ZCCHC10: variants seen among roughly 807,000 people sequenced by gnomAD.
ZCCHC10 encodes the protein zinc finger CCHC domain-containing protein 10.
In ZCCHC10, 16 loss-of-function variants were observed where a neutral mutation model predicts 19.5. The ratio of observed to expected loss-of-function variants is 0.82; its 90% CI spans 0.56 to 1.25. The LOEUF (loss-of-function observed/expected upper bound fraction) is 1.25, where lower values mean the gene tolerates loss of function less well. ZCCHC10 is among the 50% of genes most tolerant of loss of function. The probability of loss-of-function intolerance (pLI) is 0.00; values close to 1 mark genes in which losing one functional copy is unlikely to be tolerated. For synonymous variants in ZCCHC10, 67 were observed against 72.5 expected, an observed-to-expected ratio of 0.92 and a Z score of 0.38; for missense variants, 197 against 201.0, an observed-to-expected ratio of 0.98 and a Z score of 0.12.
At chr5:133,026,359 C>T in intron 1 of ZCCHC10, 138 bp downstream of exon 1, 5 of 1,266,958 alleles carry the variant, frequency 3.9e-6, no homozygotes, top group South Asian at 3.9e-5. Flanking sequence ...CGCCCGGGCC[C>T]GAGCCCCCCG....
At chr5:133,013,976 T>TA (rs1763746855) in intron 2 of ZCCHC10, among the ~76,000 whole-genome samples, 1 of 152,118 alleles carries the variant, frequency 6.6e-6, no homozygotes, top group African/African-American at 2.4e-5. Flanking sequence ...GTCACAACCT[T>TA]ACAGAAAAGT....
chr5:133,015,347 G>C (rs1185695607), intron 2 of ZCCHC10, among the ~76,000 whole-genome samples: 1 of 152,098 alleles, frequency 6.6e-6, no homozygotes, highest in African/African-American at 2.4e-5. Context: ...CCAAAGTGCT[G>C]GGATTACAGG....
intron 2 of ZCCHC10, among the ~76,000 whole-genome samples, chr5:133,013,582 C>T (rs1264730391): frequency 6.6e-6 from 1 of 151,920 alleles, no homozygotes; most frequent in Non-Finnish European, 1.5e-5. Flanking sequence ...ATTAGCTGGG[C>T]ATGGTGGTGC....
chr5:133,015,117 C>T (rs1458895690), intron 2 of ZCCHC10, among the ~76,000 whole-genome samples: 1 of 135,582 alleles, frequency 7.4e-6, no homozygotes, highest in Non-Finnish European at 1.5e-5. Flanking sequence ...CTTGCTCTGT[C>T]ACCCAGGCTG....
Position 132,997,430 on chromosome 5 carries a change from A to G in ZCCHC10, c.*1153T>C, listed in dbSNP as rs532405656. The G allele has an allele frequency of 1.3e-4, 20 of 152,334 alleles. No individual in the cohort carries two copies. Among genetic ancestry groups the G allele is most frequent in the African/African-American group, 4.3e-4 (18 of 41,594 alleles). 9.4% of individuals were successfully genotyped at this position (152,334 alleles called of 1,614,324 possible). On this transcript the variant is annotated 3_prime_UTR_variant, in exon 5 of 5. Transcript: ENST00000509437. ...CCTCTTTCCAAAAAGTTAAAAAGAC[A>G]TCACAGAATACTGTGATGTTAAACC...
chr5:133,019,676 T>C (rs1390954403), intron 2 of ZCCHC10, among the ~76,000 whole-genome samples: 1 of 152,122 alleles, frequency 6.6e-6, no homozygotes, highest in Non-Finnish European at 1.5e-5. Context: ...GCATACCAGC[T>C]GGGTGCAGTG....
intron 2 of ZCCHC10, among the ~76,000 whole-genome samples, chr5:133,010,094 G>A (rs1203720345): frequency 6.7e-6 from 1 of 149,606 alleles, no homozygotes; most frequent in Non-Finnish European, 1.5e-5. Flanking sequence ...TGTCGCCCAG[G>A]CTAGAGTGTA....
At chr5:133,007,117 C>A (rs1016299759) in intron 2 of ZCCHC10, among the ~76,000 whole-genome samples, 197 bp from the exon 3 acceptor site, 1 of 152,180 alleles carries the variant, frequency 6.6e-6, no homozygotes, top group Non-Finnish European at 1.5e-5. Context: ...GTGTCCCCAT[C>A]TAAATCTCAT....
At chr5:133,004,861 T>C (rs1763009060) in intron 3 of ZCCHC10, among the ~76,000 whole-genome samples, 1 of 152,186 alleles carries the variant, frequency 6.6e-6, no homozygotes, top group Non-Finnish European at 1.5e-5. Flanking sequence ...TGGAAAGACT[T>C]TTGTTATTTC....
chr5:133,020,351 T>A (rs1764217970), intron 2 of ZCCHC10, among the ~76,000 whole-genome samples: 1 of 151,790 alleles, frequency 6.6e-6, no homozygotes, highest in Admixed American at 6.6e-5. Flanking sequence ...GGCTGAGGCA[T>A]GAGAATCACT....
chr5:133,025,621 A>C (rs1258514154), intron 1 of ZCCHC10, among the ~76,000 whole-genome samples: 1 of 151,202 alleles, frequency 6.6e-6, no homozygotes, highest in East Asian at 1.9e-4. Context: ...CGTAATGGCT[A>C]TCTTTCAGTT....
intron 3 of ZCCHC10, among the ~76,000 whole-genome samples, chr5:133,000,891 T>A (rs1010277590): frequency 1.3e-5 from 2 of 151,688 alleles, no homozygotes; most frequent in Non-Finnish European, 1.5e-5. Flanking sequence ...TCCGCCCACC[T>A]TGGCCTCCCA....
chr5:133,008,157 A>G (rs1291679266), intron 2 of ZCCHC10, among the ~76,000 whole-genome samples: 5 of 147,332 alleles, frequency 3.4e-5, no homozygotes, highest in East Asian at 2.0e-4. Flanking sequence ...CCTGGGAGGC[A>G]AAGCTTGCAG....
At chr5:133,026,382 GTGTT>G (rs1408735131) in intron 1 of ZCCHC10, 111 bp downstream of exon 1, 30 of 1,428,536 alleles carry the variant, frequency 2.1e-5, no homozygotes, top group East Asian at 1.2e-4. Context: ...AGCCAGAAGA[GTGTT>G]TGAGAAACGG....
chr5:133,010,420 T>C (rs1022861617), intron 2 of ZCCHC10, among the ~76,000 whole-genome samples: 2 of 152,010 alleles, frequency 1.3e-5, no homozygotes, highest in Non-Finnish European at 2.9e-5. Context: ...GAGGCAAAAC[T>C]GTGGATGTTA....
At chr5:133,011,611 G>A (rs1763529854) in intron 2 of ZCCHC10, among the ~76,000 whole-genome samples, 1 of 122,690 alleles carries the variant, frequency 8.2e-6, no homozygotes, top group Non-Finnish European at 1.6e-5. Context: ...GGGCAATACA[G>A]TGAGACTCCA....
chr5:133,026,442 C>G lies in ZCCHC10; in HGVS notation c.41+55G>C, dbSNP rs1764721451. On this transcript the variant is annotated intron_variant, in intron 1 of 4. Transcript: ENST00000509437. ...TAGGGGTCCGACACCAGCCCGTTGA[C>G]GCGCGTTTCCCCGCTCCCAGCCCTC... 3.7e-6 allele frequency: 6 copies of G among 1,603,456 alleles called. No individual in the cohort carries two copies. The South Asian group carries it at 5.6e-5, about 15-fold the overall frequency.
intron 1 of ZCCHC10, among the ~76,000 whole-genome samples, chr5:133,025,706 CTG>C (rs543621939): frequency 8.6e-4 from 131 of 152,204 alleles, no homozygotes; most frequent in African/African-American, 2.9e-3. Context: ...CCTCGTATGA[CTG>C]TTCCTTTTTC....
intron 2 of ZCCHC10, among the ~76,000 whole-genome samples, chr5:133,021,870 T>A (rs577609676): frequency 1.3e-5 from 2 of 151,588 alleles, no homozygotes; most frequent in African/African-American, 4.8e-5. Context: ...CTCGGCTCAC[T>A]GCAACCTCCG....
Sources: gnomAD v4.1 joint callset for allele counts (sites outside exome capture counted in the v4.1 genomes callset) on GRCh38, gnomAD v4.1.1 for gene constraint, MANE v1.5 for transcripts, NCBI Gene and HGNC (gene_info 2026-07-23, HGNC 2026-07-21) for gene names.